Variants in ABCC1 observed in about 807,000 individuals in gnomAD.
ABCC1 encodes ATP binding cassette subfamily C member 1 (ABCC1 blood group).
A neutral mutation model predicts 172.9 loss-of-function variants in ABCC1; 83 were observed. The observed-to-expected ratio is 0.48, with a 90% CI of 0.40 to 0.58. The LOEUF is 0.58. Ranked by LOEUF, ABCC1 falls within the 20% of genes least tolerant of loss-of-function variation. ABCC1 has a pLI of 0.00. For missense variants in ABCC1, 1,817 were observed against 2,002.7 expected, an observed-to-expected ratio of 0.91 and a Z score of 1.77; for synonymous variants, 937 against 825.2, an observed-to-expected ratio of 1.14 and a Z score of -2.32.
At chr16:15,961,698 T>C (rs544024336) in intron 1 of ABCC1, among the ~76,000 whole-genome samples, 1 of 152,204 alleles carries the variant, frequency 6.6e-6, no homozygotes, top group African/African-American at 2.4e-5. Context: ...TCTTGTTCTC[T>C]TCACTTAACC....
Position 16,045,956 on chromosome 16 carries a change from C to G in ABCC1, c.1161C>G (p.Ile387Met). Residue 387 changes from isoleucine (I) to methionine (M), a missense_variant, in exon 9 of 31, where the codon ATC becomes ATG. This residue lies in a region of ABCC1 where 1,412 missense variants were observed against 1,600.3 expected (regional missense o/e 0.88). Transcript: ENST00000399410. ...TCGTGCTGCACCAGTACTTCCACAT[C>G]TGCTTCGTCAGTGGCATGAGGATCA... is the stretch of plus-strand genomic sequence containing the variant. ...QTLVLHQYFHICFVSGMRIKT... is the reference protein window; with the variant it reads ...QTLVLHQYFHMCFVSGMRIKT... The G allele has an allele frequency of 6.2e-7, 1 of 1,614,218 alleles. No individual in the cohort carries two copies. The highest frequency in any genetic ancestry group is 8.5e-7 in the Non-Finnish European group (1 of 1,180,042).
intron 19 of ABCC1, among the ~76,000 whole-genome samples, chr16:16,096,437 C>T (rs1041747548): frequency 3.9e-5 from 6 of 152,096 alleles, no homozygotes; most frequent in African/African-American, 1.4e-4. Context: ...GGGCCATAAG[C>T]ACCTCCCCAA....
rs61396501 is a variant in ABCC1 at position 15,984,448 on chromosome 16, C to CGTTTTTTTTTTT, written c.49-23368_49-23367insGTTTTTTTTTTT. 4.1e-5 allele frequency among the ~76,000 whole-genome samples: 6 copies of CGTTTTTTTTTTT among 146,950 alleles called. 1 individual carries two copies. Among genetic ancestry groups the CGTTTTTTTTTTT allele is most frequent in the Admixed American group, 6.8e-5 (1 of 14,764 alleles). The stretch of plus-strand genomic sequence containing the variant: ...TTTTTATTGTTTACCTTGATATATA[C>CGTTTTTTTTTTT]TTTTTTTTTTTTTGAGATAGAGTCT... On this transcript the variant is annotated intron_variant, in intron 1 of 30. Transcript: ENST00000399410.
chr16:16,094,170 C>T (rs1039528784), intron 19 of ABCC1: 2 of 252,730 alleles, frequency 7.9e-6, no homozygotes, highest in South Asian at 5.1e-5. Context: ...AGTGAGCTCA[C>T]GTATGGGTTA....
At chr16:16,035,685 T>C (rs1308501547) in intron 6 of ABCC1, among the ~76,000 whole-genome samples, 1 of 151,564 alleles carries the variant, frequency 6.6e-6, no homozygotes, top group Non-Finnish European at 1.5e-5. Context: ...TTCGTAGAGA[T>C]AGTCTCCCTA....
intron 1 of ABCC1, among the ~76,000 whole-genome samples, chr16:16,002,744 C>T (rs192735653): frequency 6.8e-6 from 1 of 146,094 alleles, no homozygotes; most frequent in East Asian, 2.0e-4. Context: ...TGCATTCCAG[C>T]CTGGGCAACA....
At chr16:15,990,288 C>A (rs1323034199) in intron 1 of ABCC1, among the ~76,000 whole-genome samples, 1 of 152,166 alleles carries the variant, frequency 6.6e-6, no homozygotes, top group Admixed American at 6.5e-5. Context: ...TTCAAGTGAT[C>A]CACCCTCCTC....
At chr16:16,023,684 G>T (rs1482288770) in intron 5 of ABCC1, among the ~76,000 whole-genome samples, 1 of 152,206 alleles carries the variant, frequency 6.6e-6, no homozygotes, top group Non-Finnish European at 1.5e-5. Flanking sequence ...GGACAGTGGG[G>T]GCTCTGAGGG....
At chr16:16,125,043 C>A in intron 25 of ABCC1, 128 bp downstream of exon 25, 3 of 1,375,850 alleles carry the variant, frequency 2.2e-6, no homozygotes, top group Non-Finnish European at 2.0e-6. Context: ...GTTTGAGGAG[C>A]AGGTACAGTG....
intron 20 of ABCC1, among the ~76,000 whole-genome samples, chr16:16,105,744 C>G (rs765428002): frequency 6.7e-6 from 1 of 149,520 alleles, no homozygotes; most frequent in African/African-American, 2.5e-5. Flanking sequence ...ATGAGTCTCC[C>G]TCTGTCGCCC....
rs34383577 is a variant in ABCC1, at chr16:16,122,711, TAA to T, written c.3590+559_3590+560del. Among the ~76,000 whole-genome samples, 1,145 of 116,216 alleles carry T rather than the reference TAA, an allele frequency of 9.9e-3. 8 individuals are homozygous for T. The highest frequency in any genetic ancestry group is 0.029 in the African/African-American group (856 of 29,286). The allele number at this position is 116,216 out of a possible 152,430, so 76.2% of individuals were successfully genotyped here. A position where few individuals can be genotyped will look rare whatever the true frequency, so the allele number is the denominator to read the frequency against. On this transcript the variant is annotated intron_variant, in intron 24 of 30. Transcript: ENST00000399410. ...AACATAGCAAGACCCCCATCTCTCT[TAA>T]AAAAAAAAAAAAAAAAAAAAAGTAG...
chr16:16,025,916 A>G (rs1268262193), intron 5 of ABCC1, among the ~76,000 whole-genome samples: 4 of 152,148 alleles, frequency 2.6e-5, no homozygotes, highest in African/African-American at 9.7e-5. Context: ...GAGTTACTGT[A>G]TTTCAGTGTC....
intron 14 of ABCC1, among the ~76,000 whole-genome samples, chr16:16,075,890 C>T (rs1466035258): frequency 6.6e-6 from 1 of 152,158 alleles, no homozygotes; most frequent in Non-Finnish European, 1.5e-5. Context: ...CTGATGCTGG[C>T]CACCCCAGTG....
At chr16:16,131,748 G>C (rs1291658579) in intron 26 of ABCC1, 41 bp from the exon 27 acceptor site, 1 of 1,602,088 alleles carries the variant, frequency 6.2e-7, no homozygotes, top group African/African-American at 1.3e-5. Context: ...TTACCAGATG[G>C]ACTGGAAATT....
At chr16:16,125,938 C>G (rs753137244) in intron 26 of ABCC1, 27 bp downstream of exon 26, 2 of 1,582,942 alleles carry the variant, frequency 1.3e-6, no homozygotes, top group African/African-American at 2.7e-5. Flanking sequence ...GGCTGGACCT[C>G]TTGGTCTTTG....
chr16:15,978,891 G>A (rs1266665038), intron 1 of ABCC1, among the ~76,000 whole-genome samples: 3 of 152,124 alleles, frequency 2.0e-5, no homozygotes, highest in African/African-American at 4.8e-5. Context: ...TGTGATACAC[G>A]GGACAGACGT....
intron 1 of ABCC1, among the ~76,000 whole-genome samples, chr16:15,959,109 G>C (rs1035196945): frequency 6.6e-6 from 1 of 152,146 alleles, no homozygotes; most frequent in Non-Finnish European, 1.5e-5. Flanking sequence ...AGGAGGTTGT[G>C]GGCTGTCGAA....
intron 12 of ABCC1, among the ~76,000 whole-genome samples, chr16:16,057,233 C>G (rs1268731610): frequency 6.7e-6 from 1 of 150,276 alleles, no homozygotes; most frequent in Non-Finnish European, 1.5e-5. Context: ...GTGGTGCATG[C>G]CTATATTCCC....
intron 1 of ABCC1, among the ~76,000 whole-genome samples, chr16:16,000,305 C>T (rs989698248): frequency 6.6e-6 from 1 of 151,946 alleles, no homozygotes; most frequent in Non-Finnish European, 1.5e-5. Context: ...TTCACCATGC[C>T]TGGCTAATTT....
Sources: gnomAD v4.1 joint callset for allele counts (sites outside exome capture counted in the v4.1 genomes callset) on GRCh38, gnomAD v4.1.1 for gene constraint, gnomAD v4.1.1 regional missense constraint, MANE v1.5 for transcripts, NCBI Gene and HGNC (gene_info 2026-07-23, HGNC 2026-07-21) for gene names.